PIK3C2G: variants seen among roughly 807,000 people sequenced by gnomAD.
PIK3C2G encodes phosphatidylinositol-4-phosphate 3-kinase catalytic subunit type 2 gamma, also known as phosphatidylinositol 3-kinase C2 domain-containing subunit gamma.
A neutral mutation model predicts 181.1 loss-of-function variants in PIK3C2G; 168 were observed. The observed-to-expected ratio is 0.93, with a 90% CI of 0.82 to 1.05. PIK3C2G has a LOEUF of 1.05. PIK3C2G is among the 50% of genes least tolerant of loss of function. The pLI is 0.00. For synonymous variants in PIK3C2G, 573 were observed against 592.2 expected, an observed-to-expected ratio of 0.97 and a Z score of 0.47; for missense variants, 1,869 against 1,732.8, an observed-to-expected ratio of 1.08 and a Z score of -1.40.
intron 30 of PIK3C2G, among the ~76,000 whole-genome samples, chr12:18,597,266 T>C (rs1019745211): frequency 5.3e-5 from 8 of 151,950 alleles, no homozygotes; most frequent in Admixed American, 5.3e-4. Flanking sequence ...ATTTCACCTT[T>C]ATCTTTATCC....
At position 18,414,649 on chromosome 12, in the gene PIK3C2G, C is replaced by A. The variant is rs543043422; in HGVS notation, c.2316-6292C>A. ...CATACATATCTTCACACACGTCACT[C>A]ATCATATTCTTAAAATAAATTCCCA... On this transcript the variant is annotated intron_variant, in intron 16 of 32. Coordinates refer to ENST00000538779, the MANE Select transcript of PIK3C2G (RefSeq NM_001288772.2). Among the ~76,000 whole-genome samples the A allele has an allele frequency of 2.6e-5, 4 of 152,192 alleles. No homozygotes were observed. In the South Asian group the frequency reaches 6.2e-4, roughly 24 times the overall value.
chr12:18,489,596 A>G (rs1940368718), intron 19 of PIK3C2G, among the ~76,000 whole-genome samples: 1 of 152,134 alleles, frequency 6.6e-6, no homozygotes, highest in South Asian at 2.1e-4. Context: ...TAATTTTTAA[A>G]TGGGAGATAT....
intron 24 of PIK3C2G, among the ~76,000 whole-genome samples, chr12:18,506,319 G>T (rs1941834132): frequency 6.6e-6 from 1 of 152,096 alleles, no homozygotes; most frequent in African/African-American, 2.4e-5. Context: ...ATCAGGTAGG[G>T]CACAGAGGGC....
At chr12:18,245,159 A>G (rs1948026927), upstream of PIK3C2G, among the ~76,000 whole-genome samples, 1 of 152,114 alleles carries the variant, frequency 6.6e-6, no homozygotes, top group African/African-American at 2.4e-5. Flanking sequence ...AAAAATAGGA[A>G]AACTCGTAAT....
Position 18,303,666 on chromosome 12 carries a change from TTCTG to T in PIK3C2G, c.1034+9655_1034+9658del, listed in dbSNP as rs1188628050. On this transcript the variant is annotated intron_variant, in intron 5 of 32. Transcript: ENST00000538779. ...ATCTCAAAAATCTTACTCTAAGTCT[TTCTG>T]TCTAATTTAACTTAAAAATAATTCT... Among the ~76,000 whole-genome samples, 7 of 152,256 alleles carry T rather than the reference TTCTG, an allele frequency of 4.6e-5. No individual in the cohort carries two copies. In the East Asian group the frequency reaches 7.7e-4, roughly 17 times the overall value.
chr12:18,273,003 C>CA (rs398116169), intron 1 of PIK3C2G, among the ~76,000 whole-genome samples: 24 of 149,972 alleles, frequency 1.6e-4, no homozygotes, highest in Non-Finnish European at 2.2e-4. Context: ...CACACACACA[C>CA]CCCCATCCAT....
At chr12:18,719,898 C>T in the PIK3C2G span, among the ~76,000 whole-genome samples, 4 of 151,766 alleles carry the variant, frequency 2.6e-5, no homozygotes, top group Admixed American at 6.6e-5. Context: ...AAGAAAAGTA[C>T]ATATATTATG....
intron 11 of PIK3C2G, among the ~76,000 whole-genome samples, chr12:18,347,612 C>T (rs1939792895): frequency 6.6e-6 from 1 of 152,042 alleles, no homozygotes; most frequent in Non-Finnish European, 1.5e-5. Context: ...AGGTTCAAAA[C>T]CAGCCTGGAC....
rs148957922 is a variant in PIK3C2G at position 18,331,881 on chromosome 12, A to T, written c.1273-6545A>T. Among the ~76,000 whole-genome samples, 4 of 152,264 alleles carry T rather than the reference A, an allele frequency of 2.6e-5. No individual in the cohort carries two copies. The South Asian group carries it at 6.2e-4, about 24-fold the overall frequency. On this transcript the variant is annotated intron_variant, in intron 8 of 32. Coordinates refer to ENST00000538779, the MANE Select transcript of PIK3C2G (RefSeq NM_001288772.2). ...TAAGAGCTTATTTCTTGAATGGATT[A>T]TGAGTTTTGTCAAATGCTTTTTGTG...
chr12:18,468,116 G>T (rs1024022032), intron 18 of PIK3C2G, among the ~76,000 whole-genome samples: 15 of 151,942 alleles, frequency 9.9e-5, no homozygotes, highest in African/African-American at 1.2e-4. Context: ...TTGTAAAGAG[G>T]TGCTGATCTC....
chr12:18,339,360 C>T (rs1286942377), intron 9 of PIK3C2G, among the ~76,000 whole-genome samples: 1 of 152,052 alleles, frequency 6.6e-6, no homozygotes, highest in Non-Finnish European at 1.5e-5. Flanking sequence ...TCAATAGATG[C>T]TCACAGCAAT....
At chr12:18,271,161 C>G (rs915613054) in intron 1 of PIK3C2G, among the ~76,000 whole-genome samples, 30 of 152,192 alleles carry the variant, frequency 2.0e-4, no homozygotes, top group African/African-American at 7.2e-4. Flanking sequence ...CCCTCCTTTT[C>G]AACACAGCAT....
chr12:18,452,751 T>C (rs963168484), intron 18 of PIK3C2G, among the ~76,000 whole-genome samples: 1 of 152,222 alleles, frequency 6.6e-6, no homozygotes, highest in African/African-American at 2.4e-5. Flanking sequence ...GTCTCAGAGA[T>C]TCTGGTACAT....
chr12:18,713,797 A>T, the PIK3C2G span: 1 of 152,210 alleles, frequency 6.6e-6, no homozygotes, highest in Admixed American at 6.5e-5. Context: ...GCTTCTGCTG[A>T]TATCTAAAAC....
intron 9 of PIK3C2G, among the ~76,000 whole-genome samples, chr12:18,342,512 T>C (rs1183370325): frequency 6.6e-6 from 1 of 151,990 alleles, no homozygotes; most frequent in Non-Finnish European, 1.5e-5. Flanking sequence ...TTTTACTTTT[T>C]TAAATTTTGA....
intron 19 of PIK3C2G, among the ~76,000 whole-genome samples, chr12:18,490,073 C>CT (rs1940414218): frequency 6.6e-6 from 1 of 152,032 alleles, no homozygotes; most frequent in Admixed American, 6.6e-5. Context: ...CTAATGGCTA[C>CT]TTTTGTACTT....
intron 26 of PIK3C2G, among the ~76,000 whole-genome samples, chr12:18,560,905 CA>C (rs1945310532): frequency 6.6e-6 from 1 of 152,154 alleles, no homozygotes; most frequent in Non-Finnish European, 1.5e-5. Flanking sequence ...AAGACTAACT[CA>C]CTTATATGGT....
chr12:18,703,602 G>A, the PIK3C2G span, among the ~76,000 whole-genome samples: 1 of 152,260 alleles, frequency 6.6e-6, no homozygotes, highest in South Asian at 2.1e-4. Context: ...ACAATAGAAT[G>A]TTAAGCAAAC....
intron 18 of PIK3C2G, among the ~76,000 whole-genome samples, chr12:18,473,146 G>T (rs1245004123): frequency 1.3e-5 from 2 of 152,086 alleles, no homozygotes; most frequent in African/African-American, 4.8e-5. Flanking sequence ...TATCCTGGGG[G>T]TGCATGTTGA....
Sources: gnomAD v4.1 joint callset for allele counts (sites outside exome capture counted in the v4.1 genomes callset) on GRCh38, gnomAD v4.1.1 for gene constraint, MANE v1.5 for transcripts, NCBI Gene and HGNC (gene_info 2026-07-23, HGNC 2026-07-21) for gene names.